The following MAPKAP1 variants were observed in gnomAD, a reference collection of about 807,000 sequenced individuals.
The protein encoded by MAPKAP1 is target of rapamycin complex 2 subunit MAPKAP1.
MAPKAP1 carries 20 observed loss-of-function variants against 65.7 expected under a neutral mutation model. That is an observed-to-expected ratio of 0.30 (90% confidence interval 0.21 to 0.44). The LOEUF (loss-of-function observed/expected upper bound fraction) is 0.44, where lower values mean the gene tolerates loss of function less well. Among genes scored for constraint, MAPKAP1 ranks in the 20% least tolerant of loss-of-function variants. The pLI is 1.00. For missense variants in MAPKAP1, 423 were observed against 648.0 expected (o/e 0.65, Z 3.77); for synonymous variants, 222 against 244.3 (o/e 0.91, Z 0.85).
intron 10 of MAPKAP1, among the ~76,000 whole-genome samples, chr9:125,462,763 C>G (rs1317281439): frequency 6.6e-6 from 1 of 152,180 alleles, no homozygotes; most frequent in Non-Finnish European, 1.5e-5. Flanking sequence ...TCTAGGAAAA[C>G]TGGATACTGA....
chr9:125,652,884 CTTCTT>C (rs1266792694), intron 4 of MAPKAP1, among the ~76,000 whole-genome samples: 1 of 152,164 alleles, frequency 6.6e-6, no homozygotes, highest in Non-Finnish European at 1.5e-5. Flanking sequence ...CTCTGCTGTA[CTTCTT>C]CTTTACGACA....
intron 4 of MAPKAP1, among the ~76,000 whole-genome samples, chr9:125,589,961 T>A (rs1444995625): frequency 1.3e-5 from 2 of 152,222 alleles, no homozygotes; most frequent in Non-Finnish European, 2.9e-5. Context: ...AACAAGTGTT[T>A]TGGCCTTGTC....
intron 6 of MAPKAP1, among the ~76,000 whole-genome samples, chr9:125,543,850 G>A (rs532880676): frequency 5.9e-5 from 9 of 152,176 alleles, no homozygotes; most frequent in African/African-American, 2.2e-4. Flanking sequence ...GATAAACTTG[G>A]CTTGTGTCAG....
intron 1 of MAPKAP1, among the ~76,000 whole-genome samples, chr9:125,677,010 C>T (rs1834665282): frequency 1.3e-5 from 2 of 152,158 alleles, no homozygotes; most frequent in Admixed American, 6.5e-5. Flanking sequence ...TGTAGGAATA[C>T]TAAACATATC....
Position 125,438,510 on chromosome 9 carries a change from T to C in MAPKAP1, c.*377A>G. ...TGTTTATTAAAAGGAAAAACAGAAA[T>C]GTACATTTTTGTTGTTTGCTTTAAG... On this transcript the variant is annotated 3_prime_UTR_variant, in exon 12 of 12. Transcript: ENST00000265960. 7.3e-6 allele frequency: 3 copies of C among 410,224 alleles called. No individual in the cohort carries two copies. The highest frequency in any genetic ancestry group is 1.3e-5 in the Non-Finnish European group (3 of 233,228). 25.4% of individuals were successfully genotyped at this position (410,224 alleles called of 1,614,324 possible).
At chr9:125,606,870 A>AT (rs1289796081) in intron 4 of MAPKAP1, among the ~76,000 whole-genome samples, 1 of 152,210 alleles carries the variant, frequency 6.6e-6, no homozygotes, top group Admixed American at 6.5e-5. Context: ...AGCTAGGGGC[A>AT]TGGAGCTAGG....
chr9:125,547,806 G>C (rs1589277404), intron 6 of MAPKAP1, among the ~76,000 whole-genome samples: 1 of 152,182 alleles, frequency 6.6e-6, no homozygotes, highest in Non-Finnish European at 1.5e-5. Flanking sequence ...AGCTCCAAGG[G>C]GAGCACTCTG....
chr9:125,639,885 T>A (rs1833528966), intron 4 of MAPKAP1, among the ~76,000 whole-genome samples: 1 of 152,178 alleles, frequency 6.6e-6, no homozygotes, highest in Non-Finnish European at 1.5e-5. Flanking sequence ...AGTGAGAGGC[T>A]TATTTCTCCT....
chr9:125,547,873 G>A (rs1470216602), intron 6 of MAPKAP1, among the ~76,000 whole-genome samples: 1 of 152,126 alleles, frequency 6.6e-6, no homozygotes, highest in Non-Finnish European at 1.5e-5. Flanking sequence ...GGTATGTTCT[G>A]CCTCAACTTA....
At chr9:125,541,690 C>A (rs1830254467) in intron 7 of MAPKAP1, among the ~76,000 whole-genome samples, 1 of 152,052 alleles carries the variant, frequency 6.6e-6, no homozygotes, top group Admixed American at 6.6e-5. Flanking sequence ...TAAAAGTCAC[C>A]CAAAAAATGA....
At chr9:125,482,666 C>T (rs1190743483) in intron 9 of MAPKAP1, among the ~76,000 whole-genome samples, 5 of 151,896 alleles carry the variant, frequency 3.3e-5, no homozygotes, top group South Asian at 2.1e-4. Context: ...TGTTCAATGT[C>T]GTTTTGTTAT....
chr9:125,656,947 C>T (rs770489613), intron 4 of MAPKAP1, among the ~76,000 whole-genome samples: 1 of 152,130 alleles, frequency 6.6e-6, no homozygotes, highest in Non-Finnish European at 1.5e-5. Flanking sequence ...AATTTCATAA[C>T]AGCAAACTTA....
At chr9:125,530,636 A>G (rs1296914393) in intron 7 of MAPKAP1, among the ~76,000 whole-genome samples, 1 of 152,192 alleles carries the variant, frequency 6.6e-6, no homozygotes, top group Non-Finnish European at 1.5e-5. Context: ...CTTATTAGTA[A>G]AAAAAATCAT....
At chr9:125,565,700 C>T (rs760067014) in intron 5 of MAPKAP1, 2 of 347,402 alleles carry the variant, frequency 5.8e-6, no homozygotes, top group South Asian at 4.1e-5. Flanking sequence ...AAAAAAACCT[C>T]AGGAAGTTAG....
In MAPKAP1 at chr9:125,679,536, G is replaced by A. The variant is rs151096759; in HGVS notation, c.-69-6893C>T. ...AATTTCACAGAACAAAGGAACTTCA[G>A]TGATTATCTCGTTGTTGACCTGAAA... On this transcript the variant is annotated intron_variant, in intron 1 of 11. Transcript: ENST00000265960. Among the ~76,000 whole-genome samples the A allele has an allele frequency of 1.1e-4, 17 of 152,262 alleles. No individual in the cohort carries two copies. In the East Asian group the frequency reaches 3.3e-3, roughly 29 times the overall value.
At chr9:125,588,098 A>C (rs1831843605) in intron 4 of MAPKAP1, among the ~76,000 whole-genome samples, 1 of 152,240 alleles carries the variant, frequency 6.6e-6, no homozygotes, top group South Asian at 2.1e-4. Context: ...ACATATGCTC[A>C]CATTGAAACT....
intron 1 of MAPKAP1, among the ~76,000 whole-genome samples, chr9:125,692,519 GA>G (rs1835200941): frequency 1.3e-5 from 2 of 152,168 alleles, no homozygotes; most frequent in South Asian, 4.1e-4. Context: ...GACTATTAAT[GA>G]ATATGAGATT....
chr9:125,525,127 C>T (rs1478662163), intron 7 of MAPKAP1, among the ~76,000 whole-genome samples: 1 of 152,078 alleles, frequency 6.6e-6, no homozygotes, highest in African/African-American at 2.4e-5. Context: ...CATATTCATA[C>T]AAAAAGAGCA....
intron 4 of MAPKAP1, among the ~76,000 whole-genome samples, chr9:125,636,656 AG>A (rs1833433419): frequency 6.6e-6 from 1 of 152,236 alleles, no homozygotes; most frequent in Non-Finnish European, 1.5e-5. Flanking sequence ...GAATTAACTG[AG>A]AAAATGAATC....
Sources: allele counts gnomAD v4.1 joint callset (sites outside exome capture counted in the v4.1 genomes callset), GRCh38; gene constraint gnomAD v4.1.1; transcripts MANE v1.5; gene names NCBI Gene and HGNC (gene_info 2026-07-23, HGNC 2026-07-21).